Variants in ARHGEF17 observed in about 807,000 individuals in gnomAD.
ARHGEF17 encodes 164 kDa Rho-specific guanine-nucleotide exchange factor.
Under a neutral mutation model 174.0 loss-of-function variants are expected in ARHGEF17, and 80 were observed. That is an observed-to-expected ratio of 0.46 (90% CI 0.38 to 0.55). ARHGEF17 has a LOEUF of 0.55. Ranked by LOEUF, ARHGEF17 falls within the 20% of genes least tolerant of loss-of-function variation. The probability of loss-of-function intolerance (pLI) is 0.00; values close to 1 mark genes in which losing one functional copy is unlikely to be tolerated. For missense variants in ARHGEF17, 2,886 were observed against 2,839.7 expected, an observed-to-expected ratio of 1.02 and a Z score of -0.37; for synonymous variants, 1,311 against 1,189.1, an observed-to-expected ratio of 1.10 and a Z score of -2.11.
intron 1 of ARHGEF17, among the ~76,000 whole-genome samples, chr11:73,317,465 C>T (rs1301333434): frequency 2.6e-5 from 4 of 152,232 alleles, no homozygotes; most frequent in Non-Finnish European, 5.9e-5. Context: ...ACTCCCAGAC[C>T]GTACATTGGT....
chr11:73,318,136 C>T (rs1158102597), intron 1 of ARHGEF17, among the ~76,000 whole-genome samples: 1 of 152,108 alleles, frequency 6.6e-6, no homozygotes, highest in East Asian at 1.9e-4. Context: ...AGGGACCCAC[C>T]ATCCCACTAG....
rs1229037445 is a variant in ARHGEF17, at chr11:73,364,188, G to C, written c.5350G>C (p.Val1784Leu). The C allele has an allele frequency of 6.2e-7, 1 of 1,614,128 alleles. No individual in the cohort carries two copies. The highest frequency in any genetic ancestry group is 1.1e-5 in the South Asian group (1 of 91,088). The change falls in exon 17 of 21, where the codon GTG (valine) becomes CTG (leucine). Residue 1784 changes from valine to leucine, a missense_variant. Physicochemically the swap from Val to Leu is conservative, Grantham distance 32. This residue lies in a region of ARHGEF17 where 329 missense variants were observed against 435.2 expected (regional missense o/e 0.76). Transcript: ENST00000263674. ...CCTACCCAGGTATCTGAATAACCAG[G>C]TGTTTGTGTCTCTGGCCAATGGAGA... ...VTCILYLNNQVFVSLANGELV... is the reference protein window; with the variant it reads ...VTCILYLNNQLFVSLANGELV...
intron 1 of ARHGEF17, among the ~76,000 whole-genome samples, chr11:73,338,595 T>A (rs1336935838): frequency 6.6e-6 from 1 of 152,150 alleles, no homozygotes; most frequent in East Asian, 1.9e-4. Context: ...GATGGCAGTT[T>A]GTTTACCACC....
At chr11:73,341,397 C>T (rs1349416383) in intron 1 of ARHGEF17, among the ~76,000 whole-genome samples, 2 of 152,164 alleles carry the variant, frequency 1.3e-5, no homozygotes, top group African/African-American at 4.8e-5. Context: ...ACCTCCGCCT[C>T]CCGGGTTCAA....
Position 73,362,087 on chromosome 11 carries a change from T to C in ARHGEF17, c.4542T>C (p.Pro1514=). ...TGAACAGCTGCCCGGAGCCCTCGCCTGAGGTATGGGTCTGCAACAGCGACG... is the reference window on the plus strand; with the variant it reads ...TGAACAGCTGCCCGGAGCCCTCGCCCGAGGTATGGGTCTGCAACAGCGACG... The part of the protein sequence containing the change: ...PTLNSCPEPS[P]EVWVCNSDGY... Residue 1514 remains proline (P), a synonymous_variant, in exon 13 of 21, where the codon CCT becomes CCC. Coordinates refer to ENST00000263674, the MANE Select transcript of ARHGEF17 (RefSeq NM_014786.4). The C allele has an allele frequency of 1.9e-6, 3 of 1,612,722 alleles. No homozygotes were observed. The highest frequency in any genetic ancestry group is 2.5e-6 in the Non-Finnish European group (3 of 1,179,886).
intron 1 of ARHGEF17, among the ~76,000 whole-genome samples, chr11:73,337,702 G>A (rs1247557561): frequency 6.6e-6 from 1 of 152,106 alleles, no homozygotes; most frequent in Non-Finnish European, 1.5e-5. Context: ...TTACAGGCGT[G>A]AACTACCACA....
Position 73,308,867 on chromosome 11 carries a change from A to T in ARHGEF17, c.229A>T (p.Ser77Cys). 7.4e-7 allele frequency: 1 copy of T among 1,351,326 alleles called. No individual in the cohort carries two copies. The highest frequency in any genetic ancestry group is 9.4e-7 in the Non-Finnish European group (1 of 1,058,448). 83.7% of individuals were successfully genotyped at this position (1,351,326 alleles called of 1,614,324 possible). A position where few individuals can be genotyped will look rare whatever the true frequency, so the allele number is the denominator to read the frequency against. Residue 77 changes from serine (S) to cysteine (C), a missense_variant, in exon 1 of 21, where the codon AGC becomes TGC. Around this residue, in one of 4 missense-constraint regions of ARHGEF17, gnomAD observed 1,728 missense variants for 1,461.2 expected, o/e 1.18. Coordinates refer to ENST00000263674, the MANE Select transcript of ARHGEF17 (RefSeq NM_014786.4). ...AAPAQPRPLR[S>C]LSPSVRQLSR... ...CCCCGCGCAGCCGCGCCCGCTCCGCAGCCTCTCGCCGTCGGTTCGCCAGCT... is the reference window on the plus strand; with the variant it reads ...CCCCGCGCAGCCGCGCCCGCTCCGCTGCCTCTCGCCGTCGGTTCGCCAGCT...
intron 1 of ARHGEF17, among the ~76,000 whole-genome samples, chr11:73,335,586 A>T (rs1591738156): frequency 6.6e-6 from 1 of 152,028 alleles, no homozygotes; most frequent in Non-Finnish European, 1.5e-5. Context: ...CCCACCAGTT[A>T]AATTCAAACC....
chr11:73,360,188 A>G, intron 10 of ARHGEF17, 132 bp from the exon 11 acceptor site: 1 of 1,062,010 alleles, frequency 9.4e-7, no homozygotes, highest in Non-Finnish European at 1.4e-6. Context: ...CATATATCAA[A>G]GGAATCCAGG....
At position 73,363,349 on chromosome 11, in the gene ARHGEF17, C is replaced by T. The variant is rs770639074; in HGVS notation, c.5140C>T (p.Arg1714Cys). Residue 1714 changes from arginine (R) to cysteine (C), a missense_variant, in exon 15 of 21, where the codon CGC becomes TGC. Arg to Cys is a radical substitution (Grantham distance 180). Transcript: ENST00000263674. ...GTSPMDGRAL[R>C]RSSHGSFTRG... ...CAGCCCAATGGATGGGAGAGCCCTT[C>T]GCCGCTCCAGCCACGGCTCCTTCAC... is the stretch of plus-strand genomic sequence containing the variant. The T allele has an allele frequency of 5.5e-5, 88 of 1,612,736 alleles. No homozygotes were observed. The highest frequency in any genetic ancestry group is 3.3e-4 in the Middle Eastern group (2 of 6,052).
chr11:73,353,205 C>A, intron 3 of ARHGEF17, 193 bp downstream of exon 3: 1 of 711,436 alleles, frequency 1.4e-6, no homozygotes, highest in Non-Finnish European at 2.3e-6. Flanking sequence ...ACTCCCCTAC[C>A]CCAAAGCTTG....
At chr11:73,329,354 TATA>T (rs1865158855) in intron 1 of ARHGEF17, among the ~76,000 whole-genome samples, 3 of 41,352 alleles carry the variant, frequency 7.3e-5, no homozygotes, top group Admixed American at 2.2e-4. Context: ...TATATATATA[TATA>T]TATATATATA....
intron 1 of ARHGEF17, among the ~76,000 whole-genome samples, chr11:73,329,563 C>G (rs182840956): frequency 3.4e-4 from 52 of 151,028 alleles, no homozygotes; most frequent in Admixed American, 1.4e-3. Flanking sequence ...CCACGCCCAG[C>G]TAATTTTTGT....
intron 1 of ARHGEF17, among the ~76,000 whole-genome samples, chr11:73,345,499 C>T (rs1490456821): frequency 1.3e-5 from 2 of 151,932 alleles, no homozygotes; most frequent in Non-Finnish European, 2.9e-5. Flanking sequence ...AGTGGGTGTG[C>T]CACAAGCAGA....
intron 1 of ARHGEF17, among the ~76,000 whole-genome samples, chr11:73,315,621 A>G (rs1027410477): frequency 5.3e-5 from 8 of 152,106 alleles, no homozygotes; most frequent in Admixed American, 1.3e-4. Context: ...CCAAATATCT[A>G]TAATTAAATG....
In ARHGEF17 at chr11:73,309,388, C is replaced by T. The variant is rs11235721; in HGVS notation, c.750C>T (p.Ser250=). 84 of 1,572,818 alleles carry T rather than the reference C, an allele frequency of 5.3e-5. No homozygotes were observed. The highest frequency in any genetic ancestry group is 9.1e-5 in the Admixed American group (5 of 54,756). Residue 250 remains serine (S), a synonymous_variant, in exon 1 of 21, where the codon TCC becomes TCT. Transcript: ENST00000263674. The part of the protein sequence containing the change: ...YPVSRSRAAS[S]SEEEEEGPPQ... Reference sequence around the variant, plus strand: ...TCAGCCGCAGTCGTGCTGCCAGCTCCAGCGAGGAGGAAGAGGAGGGCCCGC... The same window carrying T: ...TCAGCCGCAGTCGTGCTGCCAGCTCTAGCGAGGAGGAAGAGGAGGGCCCGC...
chr11:73,336,151 T>C (rs1865283268), intron 1 of ARHGEF17, among the ~76,000 whole-genome samples: 1 of 152,214 alleles, frequency 6.6e-6, no homozygotes, highest in South Asian at 2.1e-4. Context: ...TTCTCTGATA[T>C]GCCAGTTACT....
At chr11:73,356,379 T>TACCCCACCCC in intron 6 of ARHGEF17, 28 bp downstream of exon 6, 1 of 856,484 alleles carries the variant, frequency 1.2e-6, no homozygotes, top group Non-Finnish European at 1.5e-6. Context: ...CACCCCACCC[T>TACCCCACCCC]ACCCCACCCC....
Position 73,310,127 on chromosome 11 carries a change from C to T in ARHGEF17, c.1489C>T (p.Arg497Cys), listed in dbSNP as rs764600589. 2.5e-6 allele frequency: 4 copies of T among 1,614,046 alleles called. No individual in the cohort carries two copies. The highest frequency in any genetic ancestry group is 1.1e-5 in the South Asian group (1 of 91,086). ...AAAACCTGGTGGGAGCTCCGGGGAC[C>T]GTGGAAGCAACCCCCTAGATGGCAG... Reference protein sequence around the residue: ...VRKPGGSSGDRGSNPLDGRDS... With the variant: ...VRKPGGSSGDCGSNPLDGRDS... Residue 497 changes from arginine to cysteine, a missense_variant, in exon 1 of 21, where the codon CGT (arginine) becomes TGT (cysteine). Coordinates refer to ENST00000263674, the MANE Select transcript of ARHGEF17 (RefSeq NM_014786.4).
Sources: gnomAD v4.1 joint callset for allele counts (sites outside exome capture counted in the v4.1 genomes callset) on GRCh38, gnomAD v4.1.1 for gene constraint, gnomAD v4.1.1 regional missense constraint, MANE v1.5 for transcripts, NCBI Gene and HGNC (gene_info 2026-07-23, HGNC 2026-07-21) for gene names.